Variants in CCDC149 observed in about 807,000 individuals in gnomAD.
CCDC149 encodes coiled-coil domain-containing protein 149.
A neutral mutation model predicts 59.9 loss-of-function variants in CCDC149; 45 were observed. That is an observed-to-expected ratio of 0.75 (90% CI 0.59 to 0.96). CCDC149 has a LOEUF of 0.96. Ranked by LOEUF, CCDC149 falls within the 40% of genes least tolerant of loss-of-function variation. The pLI is 0.00. For missense variants in CCDC149, 584 were observed against 664.7 expected (o/e 0.88, Z 1.33); for synonymous variants, 245 against 260.6 (o/e 0.94, Z 0.58).
chr4:24,874,240 A>ATTTTTTTTTTT (rs1560230340), intron 2 of CCDC149, among the ~76,000 whole-genome samples: 1 of 85,688 alleles, frequency 1.2e-5, no homozygotes, highest in African/African-American at 5.8e-5. Context: ...GTCCTATTAG[A>ATTTTTTTTTTT]TTTGTTTTTT....
chr4:24,840,733 T>C (rs1438993980), intron 4 of CCDC149, among the ~76,000 whole-genome samples: 1 of 152,188 alleles, frequency 6.6e-6, no homozygotes, highest in Non-Finnish European at 1.5e-5. Flanking sequence ...AAGTGCCTTA[T>C]GGAGACAATA....
intron 1 of CCDC149, among the ~76,000 whole-genome samples, chr4:24,894,148 C>T (rs1720707039): frequency 6.6e-6 from 1 of 152,160 alleles, no homozygotes; most frequent in Admixed American, 6.5e-5. Flanking sequence ...CAGCACAGGA[C>T]TCAAAGCATT....
chr4:24,844,168 C>G (rs371606344), intron 4 of CCDC149, among the ~76,000 whole-genome samples: 1 of 152,076 alleles, frequency 6.6e-6, no homozygotes, highest in Non-Finnish European at 1.5e-5. Context: ...GAAATAATCG[C>G]GTTCATCTGC....
intron 1 of CCDC149, among the ~76,000 whole-genome samples, chr4:24,975,197 T>C (rs1183674082): frequency 6.6e-6 from 1 of 151,788 alleles, no homozygotes; most frequent in Admixed American, 6.6e-5. Flanking sequence ...TCTTTATTAA[T>C]TACCCAATCT....
At chr4:24,899,913 C>T (rs1407883524) in intron 1 of CCDC149, among the ~76,000 whole-genome samples, 1 of 152,142 alleles carries the variant, frequency 6.6e-6, no homozygotes, top group African/African-American at 2.4e-5. Flanking sequence ...TCTGAGATTT[C>T]CCCAACAAGT....
chr4:24,923,718 T>C (rs1203677637), intron 1 of CCDC149, among the ~76,000 whole-genome samples: 1 of 152,184 alleles, frequency 6.6e-6, no homozygotes, highest in Non-Finnish European at 1.5e-5. Flanking sequence ...AGCAGAGCCT[T>C]AGTCATGTGT....
intron 3 of CCDC149, among the ~76,000 whole-genome samples, chr4:24,865,250 T>C (rs1204746864): frequency 6.6e-6 from 1 of 152,206 alleles, no homozygotes; most frequent in African/African-American, 2.4e-5. Flanking sequence ...ATTAAAAAGT[T>C]TGATACTCTG....
chr4:24,942,312 T>C (rs913541368), intron 1 of CCDC149, among the ~76,000 whole-genome samples: 15 of 152,288 alleles, frequency 9.8e-5, no homozygotes, highest in African/African-American at 3.4e-4. Flanking sequence ...ATTATCTCAA[T>C]AGATGCACAA....
chr4:24,822,874 G>C (rs553943726), intron 9 of CCDC149: 1 of 220,272 alleles, frequency 4.5e-6, no homozygotes, highest in South Asian at 1.8e-4. Flanking sequence ...TCATTTGATG[G>C]AATTTCTATT....
chr4:24,905,384 T>C (rs1249996289), intron 1 of CCDC149, among the ~76,000 whole-genome samples: 5 of 151,566 alleles, frequency 3.3e-5, no homozygotes, highest in Non-Finnish European at 7.4e-5. Flanking sequence ...TTTCATGTCC[T>C]ATATAGTCTT....
chr4:24,936,235 G>GT (rs1481035541), intron 1 of CCDC149, among the ~76,000 whole-genome samples: 2 of 152,156 alleles, frequency 1.3e-5, no homozygotes, highest in African/African-American at 4.8e-5. Context: ...AGTAGGGTCA[G>GT]TGGGGGGTAT....
chr4:24,936,862 G>T (rs1291426487), intron 1 of CCDC149, among the ~76,000 whole-genome samples: 1 of 152,228 alleles, frequency 6.6e-6, no homozygotes, highest in Non-Finnish European at 1.5e-5. Flanking sequence ...TGAGAGGCTG[G>T]CAAGCTTTTG....
downstream of CCDC149, among the ~76,000 whole-genome samples, chr4:24,804,854 C>T (rs184970731): frequency 9.8e-4 from 149 of 152,258 alleles, no homozygotes; most frequent in Admixed American, 1.2e-3. Context: ...AGAGGAGCAA[C>T]GATGGGCAAA....
At chr4:24,936,424 A>C (rs1722780833) in intron 1 of CCDC149, among the ~76,000 whole-genome samples, 2 of 152,116 alleles carry the variant, frequency 1.3e-5, no homozygotes, top group African/African-American at 4.8e-5. Flanking sequence ...TTTATTTTTT[A>C]AATGTGTAAT....
chr4:24,876,459 A>G, intron 2 of CCDC149, 77 bp downstream of exon 2: 1 of 1,466,168 alleles, frequency 6.8e-7, no homozygotes, highest in South Asian at 1.4e-5. Context: ...ATTTCTAAAG[A>G]AACAGCATGT....
chr4:24,887,926 T>C (rs1720291508), intron 1 of CCDC149, among the ~76,000 whole-genome samples: 1 of 152,204 alleles, frequency 6.6e-6, no homozygotes, highest in Non-Finnish European at 1.5e-5. Context: ...TCCATGTTCC[T>C]GTTCAGCCCA....
chr4:24,900,276 G>A (rs569957611), intron 1 of CCDC149, among the ~76,000 whole-genome samples: 2 of 152,284 alleles, frequency 1.3e-5, no homozygotes, highest in Admixed American at 1.3e-4. Context: ...CTGTCCCACT[G>A]ACATATGAGG....
chr4:24,971,505 G>A (rs143406503), intron 1 of CCDC149, among the ~76,000 whole-genome samples: 7 of 152,360 alleles, frequency 4.6e-5, no homozygotes, highest in African/African-American at 1.7e-4. Context: ...TCACCCACAT[G>A]AGCTTGTGCT....
chr4:24,906,256 T>C (rs1721502634), intron 1 of CCDC149, among the ~76,000 whole-genome samples: 1 of 152,112 alleles, frequency 6.6e-6, no homozygotes, highest in Non-Finnish European at 1.5e-5. Context: ...AGCCTTGGTG[T>C]TGTGACATGC....
Sources: allele counts gnomAD v4.1 joint callset (sites outside exome capture counted in the v4.1 genomes callset), GRCh38; gene constraint gnomAD v4.1.1; transcripts MANE v1.5; gene names NCBI Gene and HGNC (gene_info 2026-07-23, HGNC 2026-07-21).